The following NXPE2 variants were observed in gnomAD, a reference collection of about 807,000 sequenced individuals.
NXPE2 encodes the protein neurexophilin and PC-esterase domain family member 2.
In NXPE2, 34 loss-of-function variants were observed where a neutral mutation model predicts 34.4. The ratio of observed to expected loss-of-function variants is 0.99; its 90% CI spans 0.75 to 1.31. The LOEUF (loss-of-function observed/expected upper bound fraction) is 1.31. Ranked by LOEUF, NXPE2 falls within the 40% of genes most tolerant of loss-of-function variation. The probability of loss-of-function intolerance (pLI) is 0.00; values close to 1 mark genes in which losing one functional copy is unlikely to be tolerated. For synonymous variants in NXPE2, 235 were observed against 231.3 expected (o/e 1.02, Z -0.15); for missense variants, 649 against 672.5 (o/e 0.97, Z 0.39).
At chr11:114,601,962 A>G in the NXPE2 span, among the ~76,000 whole-genome samples, 48 of 83,746 alleles carry the variant, frequency 5.7e-4, no homozygotes, top group African/African-American at 2.3e-3. Context: ...ATAATATTAT[A>G]TATTATATAT....
At chr11:114,715,742 C>T in the NXPE2 span, among the ~76,000 whole-genome samples, 1 of 152,086 alleles carries the variant, frequency 6.6e-6, no homozygotes, top group Non-Finnish European at 1.5e-5. Context: ...TATAAATAAA[C>T]AAAATGTTTA....
chr11:114,748,066 C>T, the NXPE2 span, among the ~76,000 whole-genome samples: 1 of 152,182 alleles, frequency 6.6e-6, no homozygotes, highest in Non-Finnish European at 1.5e-5. Flanking sequence ...TGGTGTTTGT[C>T]TTTCTGTGCC....
At chr11:114,683,049 C>A (rs1332911852) in intron 2 of NXPE2, among the ~76,000 whole-genome samples, 1 of 152,010 alleles carries the variant, frequency 6.6e-6, no homozygotes, top group Non-Finnish European at 1.5e-5. Flanking sequence ...CTAACCAATT[C>A]TATTATTCAG....
At chr11:114,513,056 A>C in the NXPE2 span, 7 of 463,954 alleles carry the variant, frequency 1.5e-5, no homozygotes, top group Admixed American at 1.2e-4. Flanking sequence ...GAACAAAGTG[A>C]ATCTGACCAG....
the NXPE2 span, among the ~76,000 whole-genome samples, chr11:114,490,936 GT>G: frequency 6.6e-6 from 1 of 151,742 alleles, no homozygotes; most frequent in East Asian, 1.9e-4. Flanking sequence ...GCCGAGGCGG[GT>G]GGATCATGAG....
At chr11:114,804,904 T>C in the NXPE2 span, among the ~76,000 whole-genome samples, 1 of 152,212 alleles carries the variant, frequency 6.6e-6, no homozygotes, top group African/African-American at 2.4e-5. Flanking sequence ...ACTATCCAGA[T>C]CCTATGGATT....
At chr11:114,670,150 C>T in the NXPE2 span, among the ~76,000 whole-genome samples, 3 of 151,938 alleles carry the variant, frequency 2.0e-5, no homozygotes, top group Non-Finnish European at 4.4e-5. Flanking sequence ...AGTTTATGCC[C>T]CAGGACCTTG....
At chr11:114,575,592 T>C in the NXPE2 span, among the ~76,000 whole-genome samples, 1 of 151,454 alleles carries the variant, frequency 6.6e-6, no homozygotes, top group African/African-American at 2.4e-5. Context: ...CCTTTCACAA[T>C]AGCTGTAAAA....
intron 2 of NXPE2, among the ~76,000 whole-genome samples, chr11:114,682,903 C>A (rs909044040): frequency 6.6e-6 from 1 of 151,294 alleles, no homozygotes; most frequent in Non-Finnish European, 1.5e-5. Flanking sequence ...GTTACTATTT[C>A]ATGTTTTTTA....
At chr11:114,551,396 C>T in the NXPE2 span, 2 of 1,349,802 alleles carry the variant, frequency 1.5e-6, no homozygotes, top group South Asian at 3.9e-5. Context: ...TTGGATACTT[C>T]TTGTCGAGGT....
At chr11:114,794,594 T>A in the NXPE2 span, among the ~76,000 whole-genome samples, 1 of 152,154 alleles carries the variant, frequency 6.6e-6, no homozygotes, top group Non-Finnish European at 1.5e-5. Flanking sequence ...AGGTATCAGA[T>A]GAAACATAGA....
At chr11:114,628,488 A>G in the NXPE2 span, among the ~76,000 whole-genome samples, 1 of 152,076 alleles carries the variant, frequency 6.6e-6, no homozygotes, top group African/African-American at 2.4e-5. Context: ...CAAAGACACA[A>G]CGTACCAGAA....
the NXPE2 span, among the ~76,000 whole-genome samples, chr11:114,773,696 C>CAG: frequency 0.97 from 147,424 of 152,246 alleles, 71,554 homozygotes; most frequent in Middle Eastern, 1. Flanking sequence ...GCATTTGAAT[C>CAG]GGGACTGAGT....
At chr11:114,652,415 G>A in the NXPE2 span, among the ~76,000 whole-genome samples, 6 of 152,296 alleles carry the variant, frequency 3.9e-5, no homozygotes, top group East Asian at 1.2e-3. Flanking sequence ...AGTGTCCAGA[G>A]TGAGATTCCA....
the NXPE2 span, among the ~76,000 whole-genome samples, chr11:114,538,908 A>G: frequency 4.8e-4 from 73 of 152,204 alleles, no homozygotes; most frequent in Non-Finnish European, 7.4e-4. Flanking sequence ...TAGAAATACC[A>G]TTTGACCCAG....
At chr11:114,581,332 G>A in the NXPE2 span, among the ~76,000 whole-genome samples, 2 of 152,182 alleles carry the variant, frequency 1.3e-5, no homozygotes, top group East Asian at 3.9e-4. Context: ...CACTCAGATG[G>A]CAGGTTGGAA....
the NXPE2 span, among the ~76,000 whole-genome samples, chr11:114,544,708 A>T: frequency 1.3e-5 from 2 of 152,176 alleles, no homozygotes. Context: ...CCATGAAAGA[A>T]AAACTGATAA....
chr11:114,524,494 C>A, the NXPE2 span, among the ~76,000 whole-genome samples: 2 of 152,158 alleles, frequency 1.3e-5, no homozygotes, highest in Non-Finnish European at 2.9e-5. Context: ...CTTGGAATAG[C>A]TCTTAAGTCC....
the NXPE2 span, among the ~76,000 whole-genome samples, chr11:114,716,216 A>G: frequency 6.6e-6 from 1 of 152,194 alleles, no homozygotes; most frequent in Non-Finnish European, 1.5e-5. Flanking sequence ...CTACCAAGAT[A>G]GGAAACTCAT....
Sources: gnomAD v4.1 joint callset for allele counts (sites outside exome capture counted in the v4.1 genomes callset) on GRCh38, gnomAD v4.1.1 for gene constraint, MANE v1.5 for transcripts, NCBI Gene and HGNC (gene_info 2026-07-23, HGNC 2026-07-21) for gene names.